The following DPP10 variants were observed in gnomAD, a reference collection of about 807,000 sequenced individuals.
The protein encoded by DPP10 is inactive dipeptidyl peptidase 10.
DPP10 carries 33 observed loss-of-function variants against 120.9 expected under a neutral mutation model. The ratio of observed to expected loss-of-function variants is 0.27; its 90% CI spans 0.21 to 0.37. The LOEUF is 0.37. Among genes scored for constraint, DPP10 ranks in the 10% least tolerant of loss-of-function variants. DPP10 has a pLI of 1.00. For synonymous variants in DPP10, 337 were observed against 326.1 expected (o/e 1.03, Z -0.36); for missense variants, 816 against 942.8 (o/e 0.87, Z 1.76).
At chr2:115,459,182 G>C (rs2073822827) in intron 3 of DPP10, among the ~76,000 whole-genome samples, 1 of 151,160 alleles carries the variant, frequency 6.6e-6, no homozygotes, top group Non-Finnish European at 1.5e-5. Context: ...TTTTAGTCTG[G>C]GTCATGCTCT....
chr2:114,601,185 G>T (rs1692335311), intron 1 of DPP10, among the ~76,000 whole-genome samples: 1 of 151,788 alleles, frequency 6.6e-6, no homozygotes, highest in Admixed American at 6.6e-5. Flanking sequence ...TAATGACGTT[G>T]TAATGGGTGG....
intron 1 of DPP10, among the ~76,000 whole-genome samples, chr2:115,037,816 C>T (rs1052680553): frequency 1.7e-4 from 26 of 152,206 alleles, no homozygotes; most frequent in East Asian, 1.9e-4. Flanking sequence ...AGTCTTTTAA[C>T]TTGTCATCCA....
intron 1 of DPP10, among the ~76,000 whole-genome samples, chr2:114,727,159 G>A (rs1269847931): frequency 6.6e-6 from 1 of 152,148 alleles, no homozygotes; most frequent in Non-Finnish European, 1.5e-5. Flanking sequence ...TGCTGTAGAG[G>A]CAGTAGGCTG....
chr2:115,623,625 C>G (rs2149290929), intron 5 of DPP10, among the ~76,000 whole-genome samples: 1 of 152,244 alleles, frequency 6.6e-6, no homozygotes, highest in South Asian at 2.1e-4. Flanking sequence ...CTGCCTCTTA[C>G]TCTGAGGAAG....
Position 114,761,136 on chromosome 2 carries a change from C to G in DPP10, c.60+318298C>G, listed in dbSNP as rs35356583. ...ATAACTAGCCAGTTTTAAGTTTGTC[C>G]TAAGGTATCTGACTCCAAACCCTTT... On this transcript the variant is annotated intron_variant, in intron 1 of 25. Coordinates refer to ENST00000410059, the MANE Select transcript of DPP10 (RefSeq NM_020868.6). Among the ~76,000 whole-genome samples, 37 of 152,242 alleles carry G rather than the reference C, an allele frequency of 2.4e-4. No homozygotes were observed. In the South Asian group the frequency reaches 6.6e-3, roughly 27 times the overall value.
At chr2:115,663,948 T>G (rs1365164597) in intron 5 of DPP10, among the ~76,000 whole-genome samples, 1 of 151,922 alleles carries the variant, frequency 6.6e-6, no homozygotes, top group African/African-American at 2.4e-5. Context: ...TGAGCCGAGA[T>G]CGTGCCATTG....
intron 1 of DPP10, among the ~76,000 whole-genome samples, chr2:115,289,400 A>G (rs555928845): frequency 6.6e-6 from 1 of 151,592 alleles, no homozygotes; most frequent in Non-Finnish European, 1.5e-5. Flanking sequence ...TCTACTTTGG[A>G]CAAAGATTCA....
intron 1 of DPP10, among the ~76,000 whole-genome samples, chr2:114,582,510 T>C (rs1170641413): frequency 6.6e-6 from 1 of 152,236 alleles, no homozygotes; most frequent in Non-Finnish European, 1.5e-5. Context: ...TATAAGAAAC[T>C]GTCAAACTGT....
chr2:115,747,594 C>CTTTTTTTTT (rs3980905), intron 10 of DPP10, among the ~76,000 whole-genome samples: 18 of 141,224 alleles, frequency 1.3e-4, no homozygotes, highest in Non-Finnish European at 1.7e-4. Flanking sequence ...ATCCCCTTGT[C>CTTTTTTTTT]TTTTTTTTTT....
Position 115,726,078 on chromosome 2 carries a change from TCTAA to T in DPP10, c.577-1735_577-1732del, listed in dbSNP as rs546957309. 2.6e-3 allele frequency among the ~76,000 whole-genome samples: 401 copies of T among 152,286 alleles called. 1 individual carries two copies. Among genetic ancestry groups the T allele is most frequent in the Middle Eastern group, 6.8e-3 (2 of 294 alleles). On this transcript the variant is annotated intron_variant, in intron 7 of 25. Transcript: ENST00000410059. ...ATTTCATTGTCTCACCTGAGAACTT[TCTAA>T]CTGAGGTGGAAGCAATAAATATTAT...
chr2:114,559,891 CAAAAAAAAAA>C (rs60833358), intron 1 of DPP10, among the ~76,000 whole-genome samples: 1 of 65,954 alleles, frequency 1.5e-5, no homozygotes, highest in Admixed American at 2.0e-4. Flanking sequence ...AGAAAAAAAG[CAAAAAAAAAA>C]AAAAAAAAAA....
At chr2:114,954,561 G>C (rs1698065463) in intron 1 of DPP10, among the ~76,000 whole-genome samples, 1 of 151,856 alleles carries the variant, frequency 6.6e-6, no homozygotes, top group Non-Finnish European at 1.5e-5. Flanking sequence ...GGAAAAAAAA[G>C]AATAAACCAA....
At chr2:115,686,480 A>G (rs2090995659) in intron 5 of DPP10, among the ~76,000 whole-genome samples, 1 of 152,092 alleles carries the variant, frequency 6.6e-6, no homozygotes, top group African/African-American at 2.4e-5. Context: ...CCTAGGAGCA[A>G]TGATTCAGTA....
chr2:115,533,340 T>C (rs1357850378), intron 5 of DPP10, among the ~76,000 whole-genome samples: 1 of 152,092 alleles, frequency 6.6e-6, no homozygotes, highest in East Asian at 1.9e-4. Flanking sequence ...ACATCTGCTA[T>C]GTTAGTAGTA....
At chr2:114,874,587 T>C (rs1052318250) in intron 1 of DPP10, among the ~76,000 whole-genome samples, 10 of 151,972 alleles carry the variant, frequency 6.6e-5, no homozygotes, top group Non-Finnish European at 1.3e-4. Context: ...CTCTACATTA[T>C]GGTGAGTTAT....
intron 1 of DPP10, among the ~76,000 whole-genome samples, chr2:115,095,265 T>C (rs1360585325): frequency 2.0e-5 from 3 of 152,164 alleles, no homozygotes; most frequent in African/African-American, 4.8e-5. Flanking sequence ...CTAGGGAGAA[T>C]GGCATCTTTG....
intron 5 of DPP10, among the ~76,000 whole-genome samples, chr2:115,527,033 A>G (rs532696705): frequency 6.6e-6 from 1 of 152,246 alleles, no homozygotes; most frequent in East Asian, 1.9e-4. Context: ...AGACTAAAAT[A>G]TTATGCTAAA....
intron 1 of DPP10, among the ~76,000 whole-genome samples, chr2:114,825,475 T>A (rs566014670): frequency 2.0e-5 from 3 of 152,336 alleles, no homozygotes; most frequent in Non-Finnish European, 2.9e-5. Context: ...ATTTCAATCA[T>A]GCATACAGTT....
intron 1 of DPP10, among the ~76,000 whole-genome samples, chr2:114,834,587 CGCACCTATGTATATATAAGCCATATCTAA>C (rs1558790909): frequency 0.012 from 1,755 of 143,052 alleles, 147 homozygotes; most frequent in South Asian, 0.019. Flanking sequence ...GCCATATCTA[CGCACCTATGTATATATAAGCCATATCTAA>C]GCACCTATGT....
Sources: allele counts gnomAD v4.1 joint callset (sites outside exome capture counted in the v4.1 genomes callset), GRCh38; gene constraint gnomAD v4.1.1; transcripts MANE v1.5; gene names NCBI Gene and HGNC (gene_info 2026-07-23, HGNC 2026-07-21).